PACC1: variants seen among roughly 807,000 people sequenced by gnomAD.
The protein encoded by PACC1 is proton activated chloride channel 1.
In PACC1, 34 loss-of-function variants were observed where a neutral mutation model predicts 39.7. That is an observed-to-expected ratio of 0.86 (90% CI 0.65 to 1.14). PACC1 has a LOEUF of 1.14. Ranked by LOEUF, PACC1 falls within the 50% of genes most tolerant of loss-of-function variation. PACC1 has a pLI of 0.00. For synonymous variants in PACC1, 127 were observed against 160.6 expected (o/e 0.79, Z 1.58); for missense variants, 379 against 436.4 (o/e 0.87, Z 1.17).
chr1:212,366,208 T>C (rs1472168217), intron 7 of PACC1, among the ~76,000 whole-genome samples: 1 of 152,192 alleles, frequency 6.6e-6, no homozygotes, highest in Non-Finnish European at 1.5e-5. Context: ...ACAATAGGAT[T>C]GTTCTCTCAC....
At position 212,392,084 on chromosome 1, in the gene PACC1, T is replaced by C. The variant is rs6676887; in HGVS notation, c.134-4984A>G. On this transcript the variant is annotated intron_variant, in intron 2 of 7. Coordinates refer to ENST00000261455, the MANE Select transcript of PACC1 (RefSeq NM_018252.3). ...CAGGCCAACATTCAAATTCAGGAAA[T>C]ACAGAGAATGCCACAAAGATACTCC... 7.0e-3 allele frequency among the ~76,000 whole-genome samples: 1,063 copies of C among 152,154 alleles called. 7 individuals are homozygous for C. Among genetic ancestry groups the C allele is most frequent in the African/African-American group, 0.024 (1,004 of 41,494 alleles).
rs1662270466 is a variant in PACC1 at position 212,414,758 on chromosome 1, G to A, written c.-1C>T. The A allele has an allele frequency of 1.2e-6, 2 of 1,613,376 alleles. No homozygotes were observed. The highest frequency in any genetic ancestry group is 1.1e-5 in the South Asian group (1 of 91,074). ...ATGTGGAGCGCTCCTGCCGGATCATGGCACTGACCAGAGCTTCGGCACACC... is the reference window on the plus strand; with the variant it reads ...ATGTGGAGCGCTCCTGCCGGATCATAGCACTGACCAGAGCTTCGGCACACC... On this transcript the variant is annotated 5_prime_UTR_variant, in exon 1 of 8. Coordinates refer to ENST00000261455, the MANE Select transcript of PACC1 (RefSeq NM_018252.3).
chr1:212,408,346 G>T (rs1406346247), intron 2 of PACC1, among the ~76,000 whole-genome samples: 1 of 151,588 alleles, frequency 6.6e-6, no homozygotes, highest in East Asian at 1.9e-4. Flanking sequence ...CTTCCAGGCA[G>T]TCTTTTTTTA....
At chr1:212,414,148 G>A in intron 1 of PACC1, 1 of 1,436,092 alleles carries the variant, frequency 7.0e-7, no homozygotes, top group Non-Finnish European at 9.2e-7. Context: ...AGGTGAGACT[G>A]GAGGGAGAGA....
At chr1:212,387,158 T>C in intron 2 of PACC1, 58 bp from the exon 3 acceptor site, 1 of 1,576,706 alleles carries the variant, frequency 6.3e-7, no homozygotes, top group Non-Finnish European at 8.7e-7. Flanking sequence ...CAGACAGAGA[T>C]GGCCAGCAAC....
At chr1:212,383,385 G>A (rs1660977625) in intron 4 of PACC1, among the ~76,000 whole-genome samples, 1 of 152,200 alleles carries the variant, frequency 6.6e-6, no homozygotes, top group African/African-American at 2.4e-5. Context: ...GGCACCTAGT[G>A]GGACGGAAGC....
At chr1:212,410,050 A>G (rs1571685113) in intron 2 of PACC1, 1 of 209,448 alleles carries the variant, frequency 4.8e-6, no homozygotes, top group Non-Finnish European at 1.0e-5. Flanking sequence ...CCAACTGAGC[A>G]GCATTACTGG....
chr1:212,405,818 C>T (rs1356775000), intron 2 of PACC1, among the ~76,000 whole-genome samples: 1 of 152,068 alleles, frequency 6.6e-6, no homozygotes, highest in Non-Finnish European at 1.5e-5. Flanking sequence ...CACAGAGTGG[C>T]TGTGAAGATT....
rs777989813 is a variant in PACC1 at position 212,410,424 on chromosome 1, C to A, written c.133+1G>T. Reference sequence around the variant, plus strand: ...CACAGCAAAGCACCAAACGCACTCACCTGGTAAGATACCCGGACCTTGGAC... The same window carrying A: ...CACAGCAAAGCACCAAACGCACTCAACTGGTAAGATACCCGGACCTTGGAC... On this transcript the variant is annotated splice_donor_variant, in intron 2 of 7. Coordinates refer to ENST00000261455, the MANE Select transcript of PACC1 (RefSeq NM_018252.3). LOFTEE classifies it high-confidence loss of function. 1.2e-6 allele frequency: 2 copies of A among 1,614,046 alleles called. No homozygotes were observed. The highest frequency in any genetic ancestry group is 1.7e-6 in the Non-Finnish European group (2 of 1,179,902).
intron 2 of PACC1, among the ~76,000 whole-genome samples, chr1:212,401,461 A>C (rs1361403481): frequency 6.6e-6 from 1 of 151,816 alleles, no homozygotes; most frequent in Non-Finnish European, 1.5e-5. Context: ...CCTCGTCTCT[A>C]CTAAAAATAC....
chr1:212,375,062 G>A, intron 7 of PACC1, 131 bp downstream of exon 7: 1 of 617,922 alleles, frequency 1.6e-6, no homozygotes, highest in South Asian at 2.3e-5. Context: ...CAGGTAGGTA[G>A]ACTTATCAGT....
intron 2 of PACC1, among the ~76,000 whole-genome samples, chr1:212,406,244 T>C (rs1323616844): frequency 1.3e-5 from 2 of 151,462 alleles, no homozygotes; most frequent in Non-Finnish European, 2.9e-5. Context: ...GGGCCAAGCA[T>C]GGTGGCTCAC....
intron 1 of PACC1, among the ~76,000 whole-genome samples, chr1:212,412,565 G>C (rs963302492): frequency 6.6e-6 from 1 of 152,214 alleles, no homozygotes; most frequent in Admixed American, 6.5e-5. Context: ...GTGAGAGACA[G>C]GGACTCCAGA....
chr1:212,375,092 G>A (rs898992932), intron 7 of PACC1, 101 bp downstream of exon 7: 2 of 925,498 alleles, frequency 2.2e-6, no homozygotes, highest in South Asian at 1.7e-5. Context: ...TGAGCCAAAA[G>A]ACTTCAGGGC....
At chr1:212,374,366 G>A (rs1476697094) in intron 7 of PACC1, among the ~76,000 whole-genome samples, 2 of 152,114 alleles carry the variant, frequency 1.3e-5, no homozygotes, top group Non-Finnish European at 2.9e-5. Flanking sequence ...AAAAAAAAAT[G>A]AGTCTCATGG....
chr1:212,414,845 C>A lies in PACC1; in HGVS notation c.-88G>T, dbSNP rs905151577. 3 of 1,561,314 alleles carry A rather than the reference C, an allele frequency of 1.9e-6. No homozygotes were observed. Among genetic ancestry groups the A allele is most frequent in the East Asian group, 2.3e-5 (1 of 43,424 alleles). ...CTGCGGCCGCTGCACCTGGACCTAC[C>A]GGCTCCGCGAGGCGAAACCGGTCCG... On this transcript the variant is annotated 5_prime_UTR_variant, in exon 1 of 8. Coordinates refer to ENST00000261455, the MANE Select transcript of PACC1 (RefSeq NM_018252.3).
At chr1:212,412,538 C>G (rs1169691997) in intron 1 of PACC1, among the ~76,000 whole-genome samples, 1 of 152,202 alleles carries the variant, frequency 6.6e-6, no homozygotes, top group Non-Finnish European at 1.5e-5. Context: ...TTCTGGGTGG[C>G]CCCATTCTCT....
chr1:212,405,187 T>TG (rs1416623719), intron 2 of PACC1, among the ~76,000 whole-genome samples: 1 of 152,172 alleles, frequency 6.6e-6, no homozygotes, highest in Non-Finnish European at 1.5e-5. Flanking sequence ...GAGGCTCTCT[T>TG]GCTCTAAATC....
intron 4 of PACC1, among the ~76,000 whole-genome samples, chr1:212,384,719 TA>T (rs1169025583): frequency 1.3e-5 from 2 of 152,228 alleles, no homozygotes; most frequent in African/African-American, 4.8e-5. Context: ...AGGGCGCTCC[TA>T]ACCCCATCCC....
Sources: gnomAD v4.1 joint callset for allele counts (sites outside exome capture counted in the v4.1 genomes callset) on GRCh38, gnomAD v4.1.1 for gene constraint, MANE v1.5 for transcripts, NCBI Gene and HGNC (gene_info 2026-07-23, HGNC 2026-07-21) for gene names.